The following SLC35F4 variants were observed in gnomAD, a reference collection of about 807,000 sequenced individuals.
SLC35F4 encodes the protein chromosome 14 open reading frame 36.
Under a neutral mutation model 44.2 loss-of-function variants are expected in SLC35F4, and 24 were observed. The observed-to-expected ratio is 0.54, with a 90% CI of 0.39 to 0.76. The LOEUF is 0.76. Ranked by LOEUF, SLC35F4 falls within the 30% of genes least tolerant of loss-of-function variation. SLC35F4 has a pLI of 0.00. For synonymous variants in SLC35F4, 238 were observed against 223.6 expected (o/e 1.06, Z -0.57); for missense variants, 562 against 586.1 (o/e 0.96, Z 0.42).
chr14:57,661,630 A>G (rs1174384181), intron 1 of SLC35F4, among the ~76,000 whole-genome samples: 2 of 152,210 alleles, frequency 1.3e-5, no homozygotes, highest in Non-Finnish European at 2.9e-5. Context: ...TCAAGCTTGT[A>G]GCTACTGTGA....
rs183569227 is a variant in SLC35F4 at position 57,821,613 on chromosome 14, G to A, written c.103+44110C>T. On this transcript the variant is annotated intron_variant, in intron 1 of 7. Coordinates refer to ENST00000556826, the MANE Select transcript of SLC35F4 (RefSeq NM_001306087.2). ...TCCATTCAAGTAAAGTTTATCCGTG[G>A]ACAACCATGAGCACCTCAAGTATAG... is the stretch of plus-strand genomic sequence containing the variant. 3.3e-5 allele frequency among the ~76,000 whole-genome samples: 5 copies of A among 152,310 alleles called. No homozygotes were observed. The East Asian group carries it at 5.8e-4, about 18-fold the overall frequency.
chr14:57,966,171 T>C (rs1890433808), intron 1 of SLC35F4, among the ~76,000 whole-genome samples: 1 of 152,220 alleles, frequency 6.6e-6, no homozygotes, highest in Non-Finnish European at 1.5e-5. Context: ...CCCTAATCTA[T>C]GACCAGACTC....
downstream of SLC35F4, among the ~76,000 whole-genome samples, chr14:57,972,009 T>C (rs1216245519): frequency 6.6e-6 from 1 of 152,118 alleles, no homozygotes; most frequent in African/African-American, 2.4e-5. Context: ...GTGTTTAAAC[T>C]GAAAACCGAA....
intron 1 of SLC35F4, among the ~76,000 whole-genome samples, chr14:57,966,309 G>A (rs1566518847): frequency 6.6e-6 from 1 of 152,132 alleles, no homozygotes; most frequent in Non-Finnish European, 1.5e-5. Flanking sequence ...AACAGACAGC[G>A]TAATATTTCA....
At chr14:57,821,576 C>G (rs558023745) in intron 1 of SLC35F4, among the ~76,000 whole-genome samples, 6 of 152,322 alleles carry the variant, frequency 3.9e-5, no homozygotes, top group African/African-American at 1.2e-4. Context: ...GGAAAGTTCA[C>G]TTAATAACTT....
chr14:57,936,555 G>A (rs1431518587), intron 1 of SLC35F4, among the ~76,000 whole-genome samples: 1 of 152,220 alleles, frequency 6.6e-6, no homozygotes, highest in East Asian at 1.9e-4. Flanking sequence ...GACAGGTTTG[G>A]TTGTCGCAGC....
At chr14:57,619,895 T>C (rs764856975) in intron 1 of SLC35F4, among the ~76,000 whole-genome samples, 5 of 151,820 alleles carry the variant, frequency 3.3e-5, no homozygotes, top group African/African-American at 4.8e-5. Flanking sequence ...TCGTGAAGCA[T>C]ATAAAGTATC....
chr14:57,579,902 C>T (rs1006222325), intron 4 of SLC35F4, among the ~76,000 whole-genome samples: 2 of 152,098 alleles, frequency 1.3e-5, no homozygotes, highest in African/African-American at 4.8e-5. Flanking sequence ...TGTAGCAGAT[C>T]TTGAAAAGAA....
intron 1 of SLC35F4, among the ~76,000 whole-genome samples, chr14:57,936,588 T>C (rs1429990917): frequency 6.6e-6 from 1 of 152,236 alleles, no homozygotes; most frequent in Non-Finnish European, 1.5e-5. Flanking sequence ...CTATGTGCTA[T>C]TGGCATCTAG....
intron 1 of SLC35F4, among the ~76,000 whole-genome samples, chr14:57,823,530 G>C (rs1225569893): frequency 2.0e-5 from 3 of 152,218 alleles, no homozygotes; most frequent in Non-Finnish European, 4.4e-5. Flanking sequence ...GGGCCCTGCT[G>C]TCTTGTTTAT....
intron 1 of SLC35F4, among the ~76,000 whole-genome samples, chr14:57,746,249 G>A (rs984490518): frequency 2.0e-5 from 3 of 151,710 alleles, no homozygotes; most frequent in Non-Finnish European, 4.4e-5. Flanking sequence ...AAAAAAGAAA[G>A]TACTCAATGA....
chr14:57,595,645 G>A lies in SLC35F4; in HGVS notation c.104-1521C>T, dbSNP rs1594986853. The A allele has an allele frequency of 2.6e-5, 4 of 152,122 alleles. No homozygotes were observed. The South Asian group carries it at 6.2e-4, about 24-fold the overall frequency. The allele number at this position is 152,122 out of a possible 1,614,324, so 9.4% of individuals were successfully genotyped here. A position where few individuals can be genotyped will look rare whatever the true frequency, so the allele number is the denominator to read the frequency against. The stretch of plus-strand genomic sequence containing the variant: ...TTATGAATATTTAGTTCATACTTTG[G>A]GTTATGATCAAACCTGCATTGTTTA... On this transcript the variant is annotated intron_variant, in intron 1 of 7. Coordinates refer to ENST00000556826, the MANE Select transcript of SLC35F4 (RefSeq NM_001306087.2).
chr14:57,569,449 C>T lies in SLC35F4; in HGVS notation c.1126+339G>A, dbSNP rs570516890. Among the ~76,000 whole-genome samples the T allele has an allele frequency of 2.0e-5, 3 of 152,186 alleles. 1 individual carries two copies. In the South Asian group the frequency reaches 6.2e-4, roughly 32 times the overall value. ...CACCGTCTACTCCCTAACCTCTGCCCAACACAGCATGGCACACATGGAACA... is the reference window on the plus strand; with the variant it reads ...CACCGTCTACTCCCTAACCTCTGCCTAACACAGCATGGCACACATGGAACA... On this transcript the variant is annotated intron_variant, in intron 6 of 7. Coordinates refer to ENST00000556826, the MANE Select transcript of SLC35F4 (RefSeq NM_001306087.2).
chr14:57,704,144 C>T (rs957702754), intron 1 of SLC35F4, among the ~76,000 whole-genome samples: 2 of 152,176 alleles, frequency 1.3e-5, no homozygotes, highest in African/African-American at 4.8e-5. Flanking sequence ...AACATAGTCA[C>T]CCAAAATTTT....
rs79003488 is a variant in SLC35F4, at chr14:57,590,858, C to A, written c.290-1345G>T. Among the ~76,000 whole-genome samples the A allele has an allele frequency of 6.2e-3, 943 of 152,302 alleles. 14 individuals carry two copies. Among genetic ancestry groups the A allele is most frequent in the African/African-American group, 0.021 (887 of 41,568 alleles). ...TTTGTGTCTCCAGAGCCTACTGGCTCTCCGCTGAATGTGTTCCTACTGCTT... is the reference window on the plus strand; with the variant it reads ...TTTGTGTCTCCAGAGCCTACTGGCTATCCGCTGAATGTGTTCCTACTGCTT... On this transcript the variant is annotated intron_variant, in intron 2 of 7. Coordinates refer to ENST00000556826, the MANE Select transcript of SLC35F4 (RefSeq NM_001306087.2).
Position 57,929,264 on chromosome 14 carries a change from A to G in SLC35F4, n.282+52649T>C, listed in dbSNP as rs113977569. ...TCCAGTGGTCAAGGTGAAATAATAAATGAAAGATGAGTAAACTAAGCAAAA... is the reference window on the plus strand; with the variant it reads ...TCCAGTGGTCAAGGTGAAATAATAAGTGAAAGATGAGTAAACTAAGCAAAA... On this transcript the variant is annotated intron_variant and non_coding_transcript_variant, in intron 1 of 1. Coordinates refer to the SLC35F4 transcript ENST00000556568. 9.8e-3 allele frequency among the ~76,000 whole-genome samples: 1,498 copies of G among 152,346 alleles called. 15 individuals are homozygous for G. Among genetic ancestry groups the G allele is most frequent in the Non-Finnish European group, 0.012 (842 of 68,030 alleles).
chr14:57,944,682 AAAAGAAAGAAAGAAAAG>A (rs529028940), intron 1 of SLC35F4, among the ~76,000 whole-genome samples: 1,977 of 135,740 alleles, frequency 0.015, 32 homozygotes, highest in African/African-American at 0.042. Flanking sequence ...AAAGAAAAAG[AAAAGAAAGAAAGAAAAG>A]AAAGAAAGAA....
intron 1 of SLC35F4, among the ~76,000 whole-genome samples, chr14:57,694,196 T>C (rs1390964823): frequency 6.6e-6 from 1 of 152,172 alleles, no homozygotes; most frequent in Non-Finnish European, 1.5e-5. Flanking sequence ...CAAGTATAAT[T>C]GCATCTTTGG....
At position 57,742,601 on chromosome 14, in the gene SLC35F4, A is replaced by C. The variant is rs559952059; in HGVS notation, c.103+123122T>G. On this transcript the variant is annotated intron_variant, in intron 1 of 7. Transcript: ENST00000556826. ...GTTCTTAGAGACGTACAAAGAGACT[A>C]AGACTCCCATGCAATAATAATGGGA... Among the ~76,000 whole-genome samples, 311 of 152,274 alleles carry C rather than the reference A, an allele frequency of 2.0e-3. 2 individuals are homozygous for C. The highest frequency in any genetic ancestry group is 0.01 in the Middle Eastern group (3 of 294).
Sources: gnomAD v4.1 joint callset for allele counts (sites outside exome capture counted in the v4.1 genomes callset) on GRCh38, gnomAD v4.1.1 for gene constraint, MANE v1.5 for transcripts, NCBI Gene and HGNC (gene_info 2026-07-23, HGNC 2026-07-21) for gene names.